TENM4: variants seen among roughly 807,000 people sequenced by gnomAD.
TENM4 encodes teneurin-4.
Under a neutral mutation model 243.3 loss-of-function variants are expected in TENM4, and 82 were observed. That is an observed-to-expected ratio of 0.34 (90% CI 0.28 to 0.40). The LOEUF is 0.40. TENM4 is among the 10% of genes least tolerant of loss of function. TENM4 has a pLI of 1.00. For synonymous variants in TENM4, 1,412 were observed against 1,456.3 expected (o/e 0.97, Z 0.69); for missense variants, 3,138 against 3,673.3 (o/e 0.85, Z 3.77).
chr11:79,033,156 A>G (rs1362581753), intron 6 of TENM4, among the ~76,000 whole-genome samples: 1 of 151,972 alleles, frequency 6.6e-6, no homozygotes, highest in Non-Finnish European at 1.5e-5. Context: ...AAAGACCCCA[A>G]TATGTAATGA....
intron 11 of TENM4, among the ~76,000 whole-genome samples, chr11:78,855,517 GTTA>G (rs1228036008): frequency 6.6e-6 from 1 of 152,158 alleles, no homozygotes; most frequent in Non-Finnish European, 1.5e-5. Flanking sequence ...CCTTATAAAT[GTTA>G]TTCTTCTTTC....
At chr11:78,748,452 TGTA>T (rs1364872938) in intron 19 of TENM4, among the ~76,000 whole-genome samples, 1 of 152,166 alleles carries the variant, frequency 6.6e-6, no homozygotes, top group African/African-American at 2.4e-5. Flanking sequence ...TTTTTTATGA[TGTA>T]GTAGAATATT....
rs1857561459 is a variant in TENM4 at position 78,814,362 on chromosome 11, C to T, written c.1715G>A (p.Gly572Asp). The change falls in exon 13 of 34, where the codon GGC (glycine) becomes GAC (aspartate). Residue 572 changes from glycine (G) to aspartate (D), a missense_variant. Physicochemically the swap from Gly to Asp is moderately conservative, Grantham distance 94 (BLOSUM62 -1). Around this residue, in one of 2 missense-constraint regions of TENM4, gnomAD observed 2,467 missense variants for 3,059.1 expected, o/e 0.81. Coordinates refer to ENST00000278550, the MANE Select transcript of TENM4 (RefSeq NM_001098816.3). ...SVDNCPSNCY[G>D]NGDCISGTCH... ...GGTCCCAGAGATGCAGTCACCATTGCCATAGCAGTTGCTGGGGCAGTTATC... is the reference window on the plus strand; with the variant it reads ...GGTCCCAGAGATGCAGTCACCATTGTCATAGCAGTTGCTGGGGCAGTTATC... 6.5e-7 allele frequency: 1 copy of T among 1,549,994 alleles called. No homozygotes were observed. The highest frequency in any genetic ancestry group is 8.7e-7 in the Non-Finnish European group (1 of 1,146,376).
At chr11:79,038,652 G>A (rs1859444623) in intron 6 of TENM4, among the ~76,000 whole-genome samples, 1 of 152,022 alleles carries the variant, frequency 6.6e-6, no homozygotes, top group South Asian at 2.1e-4. Flanking sequence ...TTTCTCTTCC[G>A]TTTCATTTCT....
chr11:78,776,508 G>A (rs1023805441), intron 17 of TENM4, among the ~76,000 whole-genome samples: 3 of 152,092 alleles, frequency 2.0e-5, no homozygotes, highest in Non-Finnish European at 4.4e-5. Flanking sequence ...TGTTTCTTTA[G>A]TCTCTACCAA....
intron 4 of TENM4, among the ~76,000 whole-genome samples, chr11:79,138,902 TTTCTATAA>T (rs1862185530): frequency 8.8e-6 from 1 of 113,166 alleles, no homozygotes; most frequent in Non-Finnish European, 1.6e-5. Context: ...ATATATTATA[TTTCTATAA>T]ATATATATTA....
intron 6 of TENM4, among the ~76,000 whole-genome samples, chr11:78,991,399 GAGAA>G (rs1335671925): frequency 2.6e-5 from 4 of 152,154 alleles, no homozygotes; most frequent in Non-Finnish European, 5.9e-5. Flanking sequence ...AGCTTTCTCT[GAGAA>G]AGAAAGGCAG....
intron 1 of TENM4, among the ~76,000 whole-genome samples, chr11:79,366,094 A>T (rs79142808): frequency 6.6e-6 from 1 of 152,318 alleles, no homozygotes; most frequent in African/African-American, 2.4e-5. Context: ...TCCTTAAAAC[A>T]GTCTGCAAAA....
chr11:79,200,136 A>G (rs1863710118), intron 3 of TENM4, among the ~76,000 whole-genome samples: 2 of 152,226 alleles, frequency 1.3e-5, no homozygotes, highest in African/African-American at 4.8e-5. Context: ...CTCTAAAAAT[A>G]GCAGTGGTTA....
At chr11:79,357,248 C>A (rs1169829010) in intron 1 of TENM4, among the ~76,000 whole-genome samples, 2 of 152,238 alleles carry the variant, frequency 1.3e-5, no homozygotes, top group African/African-American at 4.8e-5. Context: ...AAAGCAATGG[C>A]ATGATCTCCA....
At chr11:79,389,084 A>T (rs1268525273) in intron 1 of TENM4, among the ~76,000 whole-genome samples, 1 of 152,194 alleles carries the variant, frequency 6.6e-6, no homozygotes, top group Non-Finnish European at 1.5e-5. Flanking sequence ...GCTGCAGGTC[A>T]GAATTATGAA....
intron 4 of TENM4, among the ~76,000 whole-genome samples, chr11:79,102,089 A>G (rs945729587): frequency 6.6e-6 from 1 of 152,216 alleles, no homozygotes; most frequent in South Asian, 2.1e-4. Context: ...TGGGCAAAAC[A>G]ATGGTAGCTA....
At chr11:78,996,444 A>T (rs917316364) in intron 6 of TENM4, among the ~76,000 whole-genome samples, 3 of 152,222 alleles carry the variant, frequency 2.0e-5, no homozygotes, top group African/African-American at 7.2e-5. Context: ...TCCAGCCACC[A>T]TGCGACTAAA....
chr11:79,227,040 G>T (rs925518705), intron 2 of TENM4, among the ~76,000 whole-genome samples: 1 of 152,146 alleles, frequency 6.6e-6, no homozygotes, highest in East Asian at 1.9e-4. Context: ...ACTGGCTTCC[G>T]GGTAGGTTGG....
At chr11:79,320,873 C>A (rs1856876854) in intron 1 of TENM4, among the ~76,000 whole-genome samples, 3 of 152,296 alleles carry the variant, frequency 2.0e-5, no homozygotes, top group Admixed American at 6.5e-5. Flanking sequence ...CTCAGAGAGG[C>A]TATACAACCT....
intron 6 of TENM4, among the ~76,000 whole-genome samples, chr11:78,932,458 T>C (rs1197877703): frequency 7.2e-5 from 11 of 152,042 alleles, no homozygotes; most frequent in South Asian, 2.1e-4. Flanking sequence ...GCCAGAAGGG[T>C]TCTGGAAGTG....
intron 6 of TENM4, among the ~76,000 whole-genome samples, chr11:78,929,075 C>G (rs1462612064): frequency 6.6e-6 from 1 of 152,208 alleles, no homozygotes; most frequent in Non-Finnish European, 1.5e-5. Flanking sequence ...TGCAGCTGGG[C>G]AGCTCACCAT....
At chr11:78,952,573 G>A (rs1313602128) in intron 6 of TENM4, among the ~76,000 whole-genome samples, 6 of 152,250 alleles carry the variant, frequency 3.9e-5, no homozygotes, top group Non-Finnish European at 7.3e-5. Flanking sequence ...GCAGCATTTT[G>A]TAAAACTAGC....
chr11:78,712,821 T>G, intron 25 of TENM4, 107 bp from the exon 26 acceptor site: 2 of 1,056,018 alleles, frequency 1.9e-6, no homozygotes, highest in Non-Finnish European at 2.7e-6. Flanking sequence ...CAAAAATATC[T>G]TATGGGGATG....
Sources: allele counts gnomAD v4.1 joint callset (sites outside exome capture counted in the v4.1 genomes callset), GRCh38; gene constraint gnomAD v4.1.1; regional missense constraint gnomAD v4.1.1; transcripts MANE v1.5; gene names NCBI Gene and HGNC (gene_info 2026-07-23, HGNC 2026-07-21).